Variants in TRAM1 observed in about 807,000 individuals in gnomAD.
TRAM1 encodes the protein translocation associated membrane protein 1.
TRAM1 carries 17 observed loss-of-function variants against 48.7 expected under a neutral mutation model. The observed-to-expected ratio is 0.35, with a 90% CI of 0.24 to 0.52. The LOEUF is 0.52. Ranked by LOEUF, TRAM1 falls within the 20% of genes least tolerant of loss-of-function variation. TRAM1 has a pLI of 0.94. For synonymous variants in TRAM1, 182 were observed against 154.0 expected (o/e 1.18, Z -1.34); for missense variants, 351 against 441.5 (o/e 0.79, Z 1.84).
intron 2 of TRAM1, 28 bp downstream of exon 2, chr8:70,599,991 T>G (rs747362394): frequency 1.3e-6 from 2 of 1,592,278 alleles, no homozygotes; most frequent in South Asian, 2.2e-5. Context: ...TCTATTTACG[T>G]AGAAAATTCT....
At chr8:70,587,064 C>A in intron 7 of TRAM1, 42 bp downstream of exon 7, 1 of 1,612,112 alleles carries the variant, frequency 6.2e-7, no homozygotes, top group Non-Finnish European at 8.5e-7. Context: ...AGCATACTAT[C>A]TGCCCAGCCT....
intron 2 of TRAM1, among the ~76,000 whole-genome samples, chr8:70,599,023 T>C (rs1227661400): frequency 2.0e-5 from 3 of 152,110 alleles, no homozygotes; most frequent in African/African-American, 7.2e-5. Context: ...TCCCAACACT[T>C]AGGGAGGCAA....
intron 1 of TRAM1, among the ~76,000 whole-genome samples, chr8:70,603,857 T>C (rs1237598014): frequency 1.3e-5 from 2 of 150,522 alleles, no homozygotes; most frequent in African/African-American, 5.0e-5. Context: ...TGGTTTAGCA[T>C]GTGAGTTTAA....
At chr8:70,575,738 C>T (rs1346691555) in intron 10 of TRAM1, among the ~76,000 whole-genome samples, 2 of 152,120 alleles carry the variant, frequency 1.3e-5, no homozygotes, top group African/African-American at 4.8e-5. Context: ...AATCCCAGCA[C>T]AGATATCATT....
chr8:70,583,110 T>A (rs939557960), intron 10 of TRAM1, 54 bp downstream of exon 10: 1 of 1,561,494 alleles, frequency 6.4e-7, no homozygotes, highest in Non-Finnish European at 8.7e-7. Context: ...CAACAACAAA[T>A]TTTTTAAAAG....
At chr8:70,578,465 T>C (rs752731401) in intron 10 of TRAM1, among the ~76,000 whole-genome samples, 1 of 152,118 alleles carries the variant, frequency 6.6e-6, no homozygotes, top group Non-Finnish European at 1.5e-5. Context: ...TGAAATCCCA[T>C]CTCTACAAAA....
Position 70,587,111 on chromosome 8 carries a change from A to C in TRAM1, c.636T>G (p.Leu212=). ...LYLFHIAGAY[L]LNLNHLGLVL... ...CATGAAATATCCCAACTCACTTCAA[A>C]AGGTAAGCTCCAGCAATGTGGAAGA... Residue 212 remains leucine, a synonymous_variant, in exon 7 of 11, where the codon CTT becomes CTG. Coordinates refer to ENST00000262213, the MANE Select transcript of TRAM1 (RefSeq NM_014294.6). 6.2e-7 allele frequency: 1 copy of C among 1,613,990 alleles called. No homozygotes were observed. Among genetic ancestry groups the C allele is most frequent in the South Asian group, 1.1e-5 (1 of 91,074 alleles).
Position 70,604,711 on chromosome 8 carries a change from G to A in TRAM1, c.123+3366C>T, listed in dbSNP as rs145595461. Among the ~76,000 whole-genome samples, 62 of 151,430 alleles carry A rather than the reference G, an allele frequency of 4.1e-4. No individual in the cohort carries two copies. In the East Asian group the frequency reaches 5.4e-3, roughly 13 times the overall value. ...TTTCAAGATTGTTGAAATTGTAAACGTCCCCAAAATCTGTATGGCATAAAG... is the reference window on the plus strand; with the variant it reads ...TTTCAAGATTGTTGAAATTGTAAACATCCCCAAAATCTGTATGGCATAAAG... On this transcript the variant is annotated intron_variant, in intron 1 of 10. Transcript: ENST00000262213.
At chr8:70,604,799 T>C (rs527934872) in intron 1 of TRAM1, among the ~76,000 whole-genome samples, 35 of 152,302 alleles carry the variant, frequency 2.3e-4, no homozygotes, top group African/African-American at 8.2e-4. Context: ...CTTTCCTTTA[T>C]ACACTCCTTA....
chr8:70,579,295 TG>T, intron 10 of TRAM1, among the ~76,000 whole-genome samples: 1 of 152,316 alleles, frequency 6.6e-6, no homozygotes, highest in Middle Eastern at 3.4e-3. Flanking sequence ...TGTAATACAG[TG>T]GTAACTATTT....
intron 2 of TRAM1, among the ~76,000 whole-genome samples, chr8:70,599,624 A>G (rs1817562794): frequency 6.6e-6 from 1 of 152,238 alleles, no homozygotes. Context: ...ATTGATTGCT[A>G]TTACAGGTCC....
At chr8:70,582,429 G>T (rs775577846) in intron 10 of TRAM1, among the ~76,000 whole-genome samples, 1 of 149,550 alleles carries the variant, frequency 6.7e-6, no homozygotes, top group Non-Finnish European at 1.5e-5. Context: ...TGAATAGCTG[G>T]ACTACAGGCA....
chr8:70,603,419 TAA>T (rs1817652277), intron 1 of TRAM1, among the ~76,000 whole-genome samples: 2 of 152,098 alleles, frequency 1.3e-5, no homozygotes, highest in Admixed American at 6.5e-5. Context: ...AACACTTTGT[TAA>T]AGAGTCCTTT....
intron 9 of TRAM1, 40 bp downstream of exon 9, chr8:70,583,610 C>A (rs750325136): frequency 6.3e-7 from 1 of 1,593,076 alleles, no homozygotes; most frequent in Non-Finnish European, 8.5e-7. Flanking sequence ...TATATATTAT[C>A]TAGCTGTATA....
Position 70,598,274 on chromosome 8 carries a change from A to G in TRAM1, c.188-19T>C. 1 of 1,597,184 alleles carries G rather than the reference A, an allele frequency of 6.3e-7. No individual in the cohort carries two copies. Among genetic ancestry groups the G allele is most frequent in the South Asian group, 1.1e-5 (1 of 88,312 alleles). ...TGTTCTTCTGAAGACCAAAAAGGAC[A>G]CAAATACACAAAAATATACACAAGG... is the stretch of plus-strand genomic sequence containing the variant. On this transcript the variant is annotated intron_variant, in intron 2 of 10. Coordinates refer to ENST00000262213, the MANE Select transcript of TRAM1 (RefSeq NM_014294.6).
At chr8:70,578,230 C>T (rs1817002698) in intron 10 of TRAM1, among the ~76,000 whole-genome samples, 1 of 152,230 alleles carries the variant, frequency 6.6e-6, no homozygotes, top group African/African-American at 2.4e-5. Flanking sequence ...CCACCTCAGC[C>T]TCCCAAGTAC....
chr8:70,588,189 CT>C (rs1357407069), intron 6 of TRAM1, among the ~76,000 whole-genome samples: 1 of 152,072 alleles, frequency 6.6e-6, no homozygotes, highest in Non-Finnish European at 1.5e-5. Flanking sequence ...TGTACTCCAG[CT>C]TGGGTGACAG....
intron 4 of TRAM1, among the ~76,000 whole-genome samples, chr8:70,596,642 A>C (rs769289585): frequency 5.3e-5 from 8 of 152,148 alleles, no homozygotes; most frequent in Non-Finnish European, 1.0e-4. Context: ...CACAACAGTG[A>C]CCAGGAGAGA....
intron 10 of TRAM1, among the ~76,000 whole-genome samples, chr8:70,582,113 C>T (rs1817088393): frequency 6.6e-6 from 1 of 152,004 alleles, no homozygotes; most frequent in African/African-American, 2.4e-5. Flanking sequence ...TGAATTACAT[C>T]CCATTAAAGC....
Sources: gnomAD v4.1 joint callset for allele counts (sites outside exome capture counted in the v4.1 genomes callset) on GRCh38, gnomAD v4.1.1 for gene constraint, MANE v1.5 for transcripts, NCBI Gene and HGNC (gene_info 2026-07-23, HGNC 2026-07-21) for gene names.